CEP63: variants seen among roughly 807,000 people sequenced by gnomAD.
CEP63 encodes the protein centrosomal protein 63.
A neutral mutation model predicts 89.1 loss-of-function variants in CEP63; 84 were observed. That is an observed-to-expected ratio of 0.94 (90% confidence interval 0.79 to 1.13). The LOEUF is 1.13. Ranked by LOEUF, CEP63 falls within the 50% of genes most tolerant of loss-of-function variation. The pLI is 0.00. For missense variants in CEP63, 838 were observed against 813.3 expected (o/e 1.03, Z -0.37); for synonymous variants, 267 against 272.5 (o/e 0.98, Z 0.20).
rs778477277 is a variant in CEP63, at chr3:134,537,241, T to C, written c.528T>C (p.Ala176=). The change falls in exon 6 of 15, where the codon GCT becomes GCC. Residue 176 remains alanine, a synonymous_variant. Transcript: ENST00000675561. ...CTTCACTGGAGGCACAAAGGAAGGC[T>C]CTGGCTGAACAATCAGAGATAATTC... ...QVSSLEAQRK[A]LAEQSEIIQA... is the part of the protein sequence containing the mutation. The C allele has an allele frequency of 1.9e-6, 3 of 1,612,232 alleles. No individual in the cohort carries two copies. The highest frequency in any genetic ancestry group is 2.5e-6 in the Non-Finnish European group (3 of 1,178,410).
chr3:134,648,574 C>T, the CEP63 span, among the ~76,000 whole-genome samples: 1 of 152,178 alleles, frequency 6.6e-6, no homozygotes, highest in Non-Finnish European at 1.5e-5. Context: ...TTTGGAGAAG[C>T]ACTGTTCTAG....
At chr3:134,717,401 T>TCA in the CEP63 span, among the ~76,000 whole-genome samples, 1 of 151,970 alleles carries the variant, frequency 6.6e-6, no homozygotes, top group East Asian at 1.9e-4. Context: ...ACACTCACAC[T>TCA]CACACACACA....
chr3:134,729,781 T>C, the CEP63 span, among the ~76,000 whole-genome samples: 1 of 152,130 alleles, frequency 6.6e-6, no homozygotes. Flanking sequence ...CCAGTTAGGG[T>C]CAGAGCCCAT....
intron 3 of CEP63, among the ~76,000 whole-genome samples, chr3:134,521,791 T>C (rs1947523789): frequency 6.6e-6 from 1 of 152,182 alleles, no homozygotes; most frequent in Non-Finnish European, 1.5e-5. Flanking sequence ...ATTGAAGCGC[T>C]AATTTCTCCC....
chr3:134,752,773 C>T, the CEP63 span, among the ~76,000 whole-genome samples: 2 of 152,110 alleles, frequency 1.3e-5, no homozygotes, highest in South Asian at 4.1e-4. Context: ...CTCATTAATA[C>T]CATTAAAATT....
the CEP63 span, among the ~76,000 whole-genome samples, chr3:134,637,779 C>T: frequency 1.3e-5 from 2 of 152,228 alleles, no homozygotes; most frequent in Non-Finnish European, 2.9e-5. Context: ...AGCCATGTCT[C>T]TATGGGTATT....
the CEP63 span, among the ~76,000 whole-genome samples, chr3:134,634,863 C>G: frequency 6.6e-6 from 1 of 152,162 alleles, no homozygotes; most frequent in African/African-American, 2.4e-5. Context: ...CCCATGTATA[C>G]TGAGGGGTGA....
At chr3:134,558,632 C>T (rs192463269) in intron 13 of CEP63, among the ~76,000 whole-genome samples, 53 of 152,310 alleles carry the variant, frequency 3.5e-4, no homozygotes, top group Admixed American at 2.9e-3. Context: ...TCTTCAACCC[C>T]ATTTGCCCAT....
the CEP63 span, chr3:134,651,228 G>C: frequency 7.9e-7 from 1 of 1,268,670 alleles, no homozygotes; most frequent in African/African-American, 1.5e-5. Flanking sequence ...GACCTGCACC[G>C]GGGCCATAGT....
the CEP63 span, among the ~76,000 whole-genome samples, chr3:134,746,012 C>T: frequency 3.3e-5 from 5 of 151,368 alleles, no homozygotes; most frequent in African/African-American, 1.2e-4. Flanking sequence ...GGTTTTTGCA[C>T]CCATTAACTC....
At chr3:134,573,662 T>C (rs991231338) in intron 11 of CEP63, among the ~76,000 whole-genome samples, 1 of 152,162 alleles carries the variant, frequency 6.6e-6, no homozygotes, top group Non-Finnish European at 1.5e-5. Flanking sequence ...AGCCTTGTAG[T>C]ATAGTTTGAA....
chr3:134,524,536 C>A (rs1948224282), intron 3 of CEP63, among the ~76,000 whole-genome samples: 1 of 151,994 alleles, frequency 6.6e-6, no homozygotes, highest in Non-Finnish European at 1.5e-5. Context: ...ATGGCTCTTA[C>A]TATTTTGAGG....
chr3:134,709,723 C>T, the CEP63 span, among the ~76,000 whole-genome samples: 3 of 152,320 alleles, frequency 2.0e-5, no homozygotes, highest in East Asian at 5.8e-4. Context: ...ATATGTCCCT[C>T]TCCATTTATA....
At chr3:134,682,975 C>A in the CEP63 span, among the ~76,000 whole-genome samples, 3 of 152,190 alleles carry the variant, frequency 2.0e-5, no homozygotes, top group Non-Finnish European at 4.4e-5. Context: ...ATGAACAAAG[C>A]AACCACAGTT....
At chr3:134,777,545 A>AATGGTGAGT in the CEP63 span, among the ~76,000 whole-genome samples, 1 of 151,938 alleles carries the variant, frequency 6.6e-6, no homozygotes, top group Non-Finnish European at 1.5e-5. Flanking sequence ...AATACATGGA[A>AATGGTGAGT]ATGGTGAGTA....
chr3:134,489,290 A>G (rs6765505), intron 1 of CEP63, among the ~76,000 whole-genome samples: 100,769 of 152,038 alleles, frequency 0.66, 33,766 homozygotes, highest in East Asian at 0.81. Context: ...AATTGCAGAA[A>G]GTTGTATTGA....
chr3:134,777,700 G>A, the CEP63 span, among the ~76,000 whole-genome samples: 4 of 138,512 alleles, frequency 2.9e-5, no homozygotes, highest in African/African-American at 8.2e-5. Context: ...TGCAACCTCC[G>A]CCTCTCAGGT....
the CEP63 span, among the ~76,000 whole-genome samples, chr3:134,752,071 T>A: frequency 2.0e-5 from 3 of 152,108 alleles, no homozygotes; most frequent in Non-Finnish European, 4.4e-5. Flanking sequence ...TGGATGGACT[T>A]CCTGAACTAG....
downstream of CEP63, among the ~76,000 whole-genome samples, chr3:134,576,770 T>C (rs1175499112): frequency 6.6e-6 from 1 of 152,120 alleles, no homozygotes; most frequent in Non-Finnish European, 1.5e-5. Flanking sequence ...GGGCAGGAAG[T>C]TGACCCTGGC....
Sources: gnomAD v4.1 joint callset for allele counts (sites outside exome capture counted in the v4.1 genomes callset) on GRCh38, gnomAD v4.1.1 for gene constraint, MANE v1.5 for transcripts, NCBI Gene and HGNC (gene_info 2026-07-23, HGNC 2026-07-21) for gene names.